The following PCDHGA2 variants were observed in gnomAD, a reference collection of about 807,000 sequenced individuals.
PCDHGA2 encodes protocadherin gamma-A2.
Under a neutral mutation model 59.2 loss-of-function variants are expected in PCDHGA2, and 40 were observed. The observed-to-expected ratio is 0.68, with a 90% CI of 0.52 to 0.88. The LOEUF (loss-of-function observed/expected upper bound fraction) is 0.88, where lower values mean the gene tolerates loss of function less well. Ranked by LOEUF, PCDHGA2 falls within the 40% of genes least tolerant of loss-of-function variation. The probability of loss-of-function intolerance (pLI) is 0.00; values close to 1 mark genes in which losing one functional copy is unlikely to be tolerated. For synonymous variants in PCDHGA2, 560 were observed against 526.0 expected (o/e 1.06, Z -0.89); for missense variants, 1,226 against 1,204.0 (o/e 1.02, Z -0.27).
intron 1 of PCDHGA2, chr5:141,468,401 C>G (rs943048252): frequency 6.7e-6 from 1 of 149,126 alleles, no homozygotes; most frequent in Non-Finnish European, 1.5e-5. Flanking sequence ...TTGGTGAGAA[C>G]TAATAATAAG....
intron 1 of PCDHGA2, among the ~76,000 whole-genome samples, chr5:141,466,183 T>G (rs145148468): frequency 2.0e-5 from 3 of 152,138 alleles, no homozygotes; most frequent in Middle Eastern, 3.4e-3. Flanking sequence ...TATTTTTATT[T>G]TTTTTCAGAC....
intron 1 of PCDHGA2, chr5:141,389,177 C>G: frequency 1.2e-6 from 2 of 1,614,052 alleles, no homozygotes; most frequent in Non-Finnish European, 1.7e-6. Flanking sequence ...CTCCCCTCTC[C>G]TCCAGTTCCA....
chr5:141,498,673 T>C (rs1158071657), intron 2 of PCDHGA2, among the ~76,000 whole-genome samples: 1 of 152,180 alleles, frequency 6.6e-6, no homozygotes, highest in Non-Finnish European at 1.5e-5. Flanking sequence ...GGCTCACGCC[T>C]GTAATCCCAG....
intron 1 of PCDHGA2, chr5:141,356,920 G>C (rs964262114): frequency 6.2e-7 from 1 of 1,613,924 alleles, no homozygotes; most frequent in South Asian, 1.1e-5. Flanking sequence ...TGGCTCCACT[G>C]GTGTGGAGCT....
intron 1 of PCDHGA2, chr5:141,356,637 T>A (rs1760285285): frequency 6.2e-7 from 1 of 1,614,020 alleles, no homozygotes; most frequent in African/African-American, 1.3e-5. Flanking sequence ...CTCAAGACCC[T>A]GACAGTGGTG....
chr5:141,414,421 A>AGGGAACAG (rs1486483287), intron 1 of PCDHGA2: 1 of 1,613,776 alleles, frequency 6.2e-7, no homozygotes, highest in Non-Finnish European at 8.5e-7. Context: ...AGCCCTTGAC[A>AGGGAACAG]GGGAACAGGT....
At chr5:141,358,377 A>G (rs988278007) in intron 1 of PCDHGA2, among the ~76,000 whole-genome samples, 1 of 152,136 alleles carries the variant, frequency 6.6e-6, no homozygotes, top group African/African-American at 2.4e-5. Context: ...TTCACACTCT[A>G]CCATGCTTTG....
Position 141,490,583 on chromosome 5 carries a change from A to G in PCDHGA2, c.2425-4224A>G, listed in dbSNP as rs2099701693. ...ATCAGGCTCAACATTTCAGATGTCAATGACAATGCACCCCGCTTCAACCAG... is the reference window on the plus strand; with the variant it reads ...ATCAGGCTCAACATTTCAGATGTCAGTGACAATGCACCCCGCTTCAACCAG... On this transcript the variant is annotated intron_variant, in intron 1 of 3. Coordinates refer to ENST00000394576, the MANE Select transcript of PCDHGA2 (RefSeq NM_018915.4). This position sits in a 1 kb window ranked among gnomAD's most constrained non-coding sequence, Gnocchi z 5.4. 2.5e-6 allele frequency: 4 copies of G among 1,614,138 alleles called. No homozygotes were observed. Among genetic ancestry groups the G allele is most frequent in the African/African-American group, 1.3e-5 (1 of 75,032 alleles).
intron 1 of PCDHGA2, chr5:141,374,138 C>G: frequency 6.2e-7 from 1 of 1,608,824 alleles, no homozygotes; most frequent in Non-Finnish European, 8.5e-7. Context: ...GCTCCTCACG[C>G]TCCTGGGGAC....
chr5:141,456,285 G>T (rs2098848223), intron 1 of PCDHGA2, among the ~76,000 whole-genome samples: 1 of 152,134 alleles, frequency 6.6e-6, no homozygotes, highest in Non-Finnish European at 1.5e-5. Flanking sequence ...GCTGAAAAGG[G>T]GCGTCTAATG....
intron 1 of PCDHGA2, chr5:141,365,756 G>C: frequency 6.2e-7 from 1 of 1,613,776 alleles, no homozygotes; most frequent in Non-Finnish European, 8.5e-7. Context: ...CTCTGTGACA[G>C]CCCATGACCC....
At chr5:141,361,464 C>T (rs1214574906) in intron 1 of PCDHGA2, 9 of 1,613,932 alleles carry the variant, frequency 5.6e-6, no homozygotes, top group Middle Eastern at 3.3e-4. Flanking sequence ...TGCACATCTC[C>T]GACGTCAACG....
intron 1 of PCDHGA2, chr5:141,479,563 G>A (rs1469231382): frequency 2.6e-5 from 4 of 152,206 alleles, no homozygotes; most frequent in Admixed American, 2.0e-4. Context: ...ATCCAGTAGT[G>A]GGATGACATC....
chr5:141,357,870 A>C, intron 1 of PCDHGA2: 1 of 550,962 alleles, frequency 1.8e-6, no homozygotes. Context: ...TAATTTTACA[A>C]CTCTGAGCCA....
intron 1 of PCDHGA2, among the ~76,000 whole-genome samples, chr5:141,462,337 T>C (rs1053544147): frequency 6.6e-6 from 1 of 152,260 alleles, no homozygotes; most frequent in Non-Finnish European, 1.5e-5. Context: ...TTAATTGTAT[T>C]GTGATCCAAA....
At chr5:141,409,071 A>G in intron 1 of PCDHGA2, 4 of 1,613,996 alleles carry the variant, frequency 2.5e-6, no homozygotes, top group Non-Finnish European at 3.4e-6. Context: ...AGCACAAAAC[A>G]TATGTTCTCA....
intron 1 of PCDHGA2, chr5:141,360,189 G>C: frequency 6.2e-7 from 1 of 1,611,554 alleles, no homozygotes; most frequent in Non-Finnish European, 8.5e-7. Flanking sequence ...AGGTACTGTT[G>C]CCCTTCCTGT....
intron 1 of PCDHGA2, chr5:141,388,609 TCA>T: frequency 6.2e-7 from 1 of 1,613,926 alleles, no homozygotes; most frequent in Non-Finnish European, 8.5e-7. Flanking sequence ...GCTCCAGTGT[TCA>T]GTCAAGACGT....
At position 141,341,049 on chromosome 5, in the gene PCDHGA2, T is replaced by C. The variant is rs1361816181; in HGVS notation, c.2078T>C (p.Leu693Pro). 1 of 1,613,946 alleles carries C rather than the reference T, an allele frequency of 6.2e-7. No individual in the cohort carries two copies. The highest frequency in any genetic ancestry group is 2.2e-5 in the East Asian group (1 of 44,872). The change falls in exon 1 of 4, where the codon CTG becomes CCG. Residue 693 changes from leucine (L) to proline (P), a missense_variant. Physicochemically the swap from Leu to Pro is moderately conservative, Grantham distance 98. Transcript: ENST00000394576. ...IPNDSDLTLY[L>P]VVAVAAVSCV... is the part of the protein sequence containing the mutation. The stretch of plus-strand genomic sequence containing the variant: ...AACGATTCGGACCTCACTCTGTACC[T>C]GGTGGTGGCGGTGGCCGCGGTCTCC...
Sources: gnomAD v4.1 joint callset for allele counts (sites outside exome capture counted in the v4.1 genomes callset) on GRCh38, gnomAD v4.1.1 for gene constraint, Gnocchi (gnomAD v3.1) non-coding constraint, MANE v1.5 for transcripts, NCBI Gene and HGNC (gene_info 2026-07-23, HGNC 2026-07-21) for gene names.